The following MBNL1 variants were observed in gnomAD, a reference collection of about 807,000 sequenced individuals.
The protein encoded by MBNL1 is muscleblind like splicing regulator 1.
In MBNL1, 8 loss-of-function variants were observed where a neutral mutation model predicts 42.2. The ratio of observed to expected loss-of-function variants is 0.19; its 90% confidence interval spans 0.11 to 0.34. The LOEUF (loss-of-function observed/expected upper bound fraction) is 0.34, where lower values mean the gene tolerates loss of function less well. Among genes scored for constraint, MBNL1 ranks in the 10% least tolerant of loss-of-function variants. MBNL1 has a pLI of 1.00. For synonymous variants in MBNL1, 169 were observed against 173.9 expected, an observed-to-expected ratio of 0.97 and a Z score of 0.22; for missense variants, 309 against 495.3, an observed-to-expected ratio of 0.62 and a Z score of 3.57.
chr3:152,398,992 C>T (rs2098106119), intron 2 of MBNL1, among the ~76,000 whole-genome samples: 1 of 152,126 alleles, frequency 6.6e-6, no homozygotes, highest in East Asian at 1.9e-4. Flanking sequence ...AAATAGTCCC[C>T]TTGTCTTTAA....
At position 152,447,678 on chromosome 3, in the gene MBNL1, A is replaced by G. The variant is rs754545709; in HGVS notation, c.866A>G (p.Asn289Ser). 5.3e-5 allele frequency: 86 copies of G among 1,613,846 alleles called. 1 individual carries two copies. The highest frequency in any genetic ancestry group is 9.9e-5 in the South Asian group (9 of 91,084). ...LPKRPALEKT[N>S]GATAVFNTGI... ...AAGAGGCCTGCTCTTGAAAAAACCA[A>G]CGGTGCCACCGCAGTCTTTAACACT... Residue 289 changes from asparagine to serine, a missense_variant, in exon 6 of 10, where the codon AAC becomes AGC. By Grantham distance (46) the Asn-to-Ser change is conservative. Coordinates refer to ENST00000324210, the MANE Select transcript of MBNL1 (RefSeq NM_021038.5).
At chr3:152,266,505 C>T (rs1408972094), upstream of MBNL1, 1 of 152,200 alleles carries the variant, frequency 6.6e-6, no homozygotes, top group African/African-American at 2.4e-5. Context: ...AAGAACACTA[C>T]AGTTCTAACT....
At chr3:152,321,149 T>C (rs2076251084) in intron 2 of MBNL1, among the ~76,000 whole-genome samples, 1 of 152,142 alleles carries the variant, frequency 6.6e-6, no homozygotes, top group African/African-American at 2.4e-5. Context: ...GATTGTGTGT[T>C]GGTGCCAGTA....
rs1462566257 is a variant in MBNL1 at position 152,464,825 on chromosome 3, A to ATAGTC, written c.*2460_*2464dup. ...AGGTTGACTTTTTGCACTTCTGTAT[A>ATAGTC]TAGTCAAAAGAGAGAAACCTGTATA... On this transcript the variant is annotated 3_prime_UTR_variant, in exon 10 of 10. Transcript: ENST00000324210. The ATAGTC allele has an allele frequency of 1.3e-5, 2 of 152,640 alleles. No individual in the cohort carries two copies. Among genetic ancestry groups the ATAGTC allele is most frequent in the Non-Finnish European group, 2.9e-5 (2 of 68,034 alleles). The allele number at this position is 152,640 out of a possible 1,614,324, so 9.5% of individuals were successfully genotyped here.
chr3:152,252,134 A>ACCTACCTTCCTT (rs2034659758), intron 2 of MBNL1, among the ~76,000 whole-genome samples: 3 of 102,836 alleles, frequency 2.9e-5, no homozygotes, highest in Non-Finnish European at 4.1e-5. Context: ...AAACTAACCT[A>ACCTACCTTCCTT]CCTTCCTTCC....
chr3:152,437,295 A>C (rs1463307260), intron 4 of MBNL1, among the ~76,000 whole-genome samples: 2 of 152,242 alleles, frequency 1.3e-5, no homozygotes, highest in Non-Finnish European at 2.9e-5. Context: ...ACAGTAAAGA[A>C]ATTTAAAATA....
chr3:152,324,553 A>G (rs1459878010), intron 2 of MBNL1, among the ~76,000 whole-genome samples: 1 of 152,230 alleles, frequency 6.6e-6, no homozygotes, highest in Non-Finnish European at 1.5e-5. Flanking sequence ...GGAAATTGGC[A>G]GATGGCAACC....
intron 2 of MBNL1, among the ~76,000 whole-genome samples, chr3:152,348,017 G>C (rs1021306974): frequency 2.6e-5 from 4 of 152,018 alleles, no homozygotes; most frequent in African/African-American, 9.7e-5. Context: ...TAACAGGTGG[G>C]TGAAAAGAAT....
chr3:152,342,740 A>G (rs2093566593), intron 2 of MBNL1, among the ~76,000 whole-genome samples: 1 of 152,286 alleles, frequency 6.6e-6, no homozygotes, highest in African/African-American at 2.4e-5. Flanking sequence ...GGCTTAGGGC[A>G]AACTTTCAAA....
chr3:152,378,644 C>A (rs1184335825), intron 2 of MBNL1, among the ~76,000 whole-genome samples: 1 of 152,100 alleles, frequency 6.6e-6, no homozygotes, highest in East Asian at 1.9e-4. Context: ...CCAATAATAT[C>A]AAGAAATCAT....
rs115166136 is a variant in MBNL1 at position 152,393,068 on chromosome 3, C to T, written c.175-21873C>T. On this transcript the variant is annotated intron_variant, in intron 2 of 9. Transcript: ENST00000324210. Reference sequence around the variant, plus strand: ...CAGAATCTCTTGCCAAGATGCCTCCCATAGGAAGGTACCAGAACTCCTTTA... The same window carrying T: ...CAGAATCTCTTGCCAAGATGCCTCCTATAGGAAGGTACCAGAACTCCTTTA... Among the ~76,000 whole-genome samples the T allele has an allele frequency of 6.4e-3, 971 of 152,268 alleles. 9 individuals carry two copies. The highest frequency in any genetic ancestry group is 0.022 in the African/African-American group (925 of 41,554).
intron 3 of MBNL1, among the ~76,000 whole-genome samples, chr3:152,431,234 A>G (rs890371472): frequency 4.6e-5 from 7 of 152,164 alleles, no homozygotes; most frequent in African/African-American, 1.7e-4. Context: ...CATCCATTGA[A>G]TATAATAGTT....
chr3:152,338,656 T>C, intron 2 of MBNL1: 1 of 985,316 alleles, frequency 1.0e-6, no homozygotes. Flanking sequence ...AAGAAACCTC[T>C]CCAGAAGATA....
intron 2 of MBNL1, among the ~76,000 whole-genome samples, chr3:152,399,428 A>G (rs2098121932): frequency 6.6e-6 from 1 of 152,164 alleles, no homozygotes; most frequent in South Asian, 2.1e-4. Context: ...TCTGACCTAG[A>G]TATCTAGCTC....
chr3:152,411,389 G>A (rs564204437), intron 2 of MBNL1, among the ~76,000 whole-genome samples: 13 of 152,084 alleles, frequency 8.5e-5, no homozygotes, highest in Admixed American at 5.9e-4. Flanking sequence ...GTGTGTTGGC[G>A]GGCACCTGTA....
rs752424293 is a variant in MBNL1 at position 152,268,937 on chromosome 3, C to T, written c.-945C>T. The T allele has an allele frequency of 6.6e-6, 3 of 456,252 alleles. No homozygotes were observed. The highest frequency in any genetic ancestry group is 8.8e-6 in the Non-Finnish European group (2 of 226,938). 28.3% of individuals were successfully genotyped at this position (456,252 alleles called of 1,614,324 possible). On this transcript the variant is annotated 5_prime_UTR_variant, in exon 1 of 10. Coordinates refer to ENST00000324210, the MANE Select transcript of MBNL1 (RefSeq NM_021038.5). ...GCACAGCGACATGCAACAGTCTTTT[C>T]ACTGCAGCTGAATGAGTTGTGGCGC... is the stretch of plus-strand genomic sequence containing the variant.
Position 152,440,632 on chromosome 3 carries a change from C to G in MBNL1, c.550-4650C>G, listed in dbSNP as rs186487778. Reference sequence around the variant, plus strand: ...AGCCAAACCATATCACCAACTGAAACTAGAAATCACATCATCCGATATTTA... The same window carrying G: ...AGCCAAACCATATCACCAACTGAAAGTAGAAATCACATCATCCGATATTTA... On this transcript the variant is annotated intron_variant, in intron 4 of 9. Transcript: ENST00000324210. Among the ~76,000 whole-genome samples, 36 of 152,282 alleles carry G rather than the reference C, an allele frequency of 2.4e-4. No homozygotes were observed. In the East Asian group the frequency reaches 6.9e-3, roughly 29 times the overall value.
At chr3:152,268,830 C>T, upstream of MBNL1, 1 of 453,818 alleles carries the variant, frequency 2.2e-6, no homozygotes. Flanking sequence ...ACGAGTCCGC[C>T]CTGGGCTTCC....
At chr3:152,340,265 G>T (rs2092788687) in intron 2 of MBNL1, 2 of 374,892 alleles carry the variant, frequency 5.3e-6, no homozygotes, top group Non-Finnish European at 9.5e-6. Flanking sequence ...GAGGCTGCAG[G>T]CATCACTGCA....
Sources: allele counts gnomAD v4.1 joint callset (sites outside exome capture counted in the v4.1 genomes callset), GRCh38; gene constraint gnomAD v4.1.1; transcripts MANE v1.5; gene names NCBI Gene and HGNC (gene_info 2026-07-23, HGNC 2026-07-21).